ARHGEF10L: variants seen among roughly 807,000 people sequenced by gnomAD.
ARHGEF10L encodes rho guanine nucleotide exchange factor 10-like protein.
ARHGEF10L carries 69 observed loss-of-function variants against 141.2 expected under a neutral mutation model. The ratio of observed to expected loss-of-function variants is 0.49; its 90% CI spans 0.40 to 0.60. The LOEUF is 0.60. Among genes scored for constraint, ARHGEF10L ranks in the 20% least tolerant of loss-of-function variants. ARHGEF10L has a pLI of 0.00. For synonymous variants in ARHGEF10L, 711 were observed against 718.5 expected (o/e 0.99, Z 0.17); for missense variants, 1,482 against 1,734.3 (o/e 0.85, Z 2.58).
rs895115951 is a variant in ARHGEF10L, at chr1:17,607,835, A to G, written c.467A>G (p.His156Arg). Reference sequence around the variant, plus strand: ...AGGAACCTGCTCTACGAGGATGCGCACCGGGCTGGGGCCCCTCGGCAGGCG... The same window carrying G: ...AGGAACCTGCTCTACGAGGATGCGCGCCGGGCTGGGGCCCCTCGGCAGGCG... ...AERNLLYEDA[H>R]RAGAPRQAED... Residue 156 changes from histidine to arginine, a missense_variant, in exon 7 of 29, where the codon CAC (histidine) becomes CGC (arginine). His to Arg is a conservative substitution (Grantham distance 29, BLOSUM62 0). Transcript: ENST00000361221. The surrounding 1 kb of genome is among the most constrained non-coding windows in gnomAD (Gnocchi z 4.5). 3 of 1,593,146 alleles carry G rather than the reference A, an allele frequency of 1.9e-6. No homozygotes were observed. Among genetic ancestry groups the G allele is most frequent in the Admixed American group, 1.7e-5 (1 of 57,666 alleles).
chr1:17,556,271 GC>G (rs72132472), intron 1 of ARHGEF10L, among the ~76,000 whole-genome samples: 11,866 of 72,734 alleles, frequency 0.16, 1,157 homozygotes, highest in Middle Eastern at 0.3. Flanking sequence ...GAGCATGGCG[GC>G]GGGGGGGGGG....
chr1:17,610,609 C>T (rs900443705), intron 7 of ARHGEF10L, among the ~76,000 whole-genome samples: 10 of 152,162 alleles, frequency 6.6e-5, no homozygotes, highest in African/African-American at 1.9e-4. Flanking sequence ...CTGCTTGGGG[C>T]GCACCTGCTC....
chr1:17,571,206 C>T (rs74870212), intron 1 of ARHGEF10L, among the ~76,000 whole-genome samples: 4 of 151,934 alleles, frequency 2.6e-5, no homozygotes, highest in Non-Finnish European at 5.9e-5. Flanking sequence ...GAAGGAGGAG[C>T]GGAGGAAGGG....
At chr1:17,685,299 G>T (rs1390034076) in intron 26 of ARHGEF10L, among the ~76,000 whole-genome samples, 1 of 152,190 alleles carries the variant, frequency 6.6e-6, no homozygotes, top group African/African-American at 2.4e-5. Flanking sequence ...GTTCCCCATG[G>T]ATTCCAAGGT....
At chr1:17,555,669 A>C (rs1482677927) in intron 1 of ARHGEF10L, among the ~76,000 whole-genome samples, 1 of 152,166 alleles carries the variant, frequency 6.6e-6, no homozygotes, top group Admixed American at 6.5e-5. Flanking sequence ...TAAGCTTTTA[A>C]ACTCAGACAC....
At chr1:17,608,418 G>T (rs1051343637) in intron 7 of ARHGEF10L, among the ~76,000 whole-genome samples, 1 of 152,218 alleles carries the variant, frequency 6.6e-6, no homozygotes, top group Non-Finnish European at 1.5e-5. Context: ...CTCAGCCCGC[G>T]CAGTCCTCTC....
chr1:17,570,186 C>T (rs985973343), intron 1 of ARHGEF10L, among the ~76,000 whole-genome samples: 11 of 152,230 alleles, frequency 7.2e-5, no homozygotes, highest in East Asian at 1.9e-4. Flanking sequence ...CAGATAAGAG[C>T]GGTGAACAGT....
chr1:17,526,144 G>C, the ARHGEF10L span, among the ~76,000 whole-genome samples: 3 of 152,212 alleles, frequency 2.0e-5, no homozygotes, highest in South Asian at 6.2e-4. Context: ...CAAATGGATG[G>C]CTCCCCAGTG....
At chr1:17,691,275 G>A in intron 27 of ARHGEF10L, 1 of 353,834 alleles carries the variant, frequency 2.8e-6, no homozygotes, top group Non-Finnish European at 5.4e-6. Flanking sequence ...CGGACTGTTT[G>A]TGAAGTGTCT....
intron 26 of ARHGEF10L, among the ~76,000 whole-genome samples, chr1:17,670,380 G>A (rs144179341): frequency 2.4e-4 from 37 of 152,376 alleles, no homozygotes; most frequent in African/African-American, 7.7e-4. Flanking sequence ...GTCGCTCACC[G>A]GGGCCCGTGT....
chr1:17,612,948 C>T (rs372861204), intron 7 of ARHGEF10L, 110 bp from the exon 8 acceptor site: 166 of 747,060 alleles, frequency 2.2e-4, no homozygotes, highest in Non-Finnish European at 3.4e-4. Context: ...GCTGTCCGTC[C>T]GCACTTTACC....
chr1:17,552,690 C>T (rs1479562214), intron 1 of ARHGEF10L, among the ~76,000 whole-genome samples: 1 of 144,730 alleles, frequency 6.9e-6, no homozygotes, highest in Non-Finnish European at 1.5e-5. Context: ...TCCCAAAGTG[C>T]TGGGGTTACA....
At chr1:17,609,424 C>G (rs566322843) in intron 7 of ARHGEF10L, among the ~76,000 whole-genome samples, 1 of 152,330 alleles carries the variant, frequency 6.6e-6, no homozygotes, top group South Asian at 2.1e-4. Context: ...TTTACAACAC[C>G]TACTGTGTGC....
chr1:17,519,708 G>A, the ARHGEF10L span, among the ~76,000 whole-genome samples: 4 of 151,852 alleles, frequency 2.6e-5, no homozygotes, highest in Admixed American at 1.3e-4. Flanking sequence ...GGTGGTGGGT[G>A]CCTGTAATCC....
chr1:17,541,326 T>C (rs2076720512), intron 1 of ARHGEF10L, among the ~76,000 whole-genome samples: 1 of 152,216 alleles, frequency 6.6e-6, no homozygotes, highest in African/African-American at 2.4e-5. Context: ...GGGGGGCTTT[T>C]TTCAGTCTTC....
At chr1:17,523,522 A>T in the ARHGEF10L span, among the ~76,000 whole-genome samples, 1 of 152,216 alleles carries the variant, frequency 6.6e-6, no homozygotes, top group African/African-American at 2.4e-5. Flanking sequence ...GTCCAGAAAG[A>T]TGAAGTCACT....
chr1:17,601,095 A>G (rs1034215607), intron 4 of ARHGEF10L, among the ~76,000 whole-genome samples: 15 of 152,068 alleles, frequency 9.9e-5, no homozygotes, highest in Non-Finnish European at 1.6e-4. Flanking sequence ...CTAAAAAAAC[A>G]AAAAGAGTCT....
In ARHGEF10L at chr1:17,656,376, C is replaced by T. The variant is rs1223350351; in HGVS notation, c.2706-178C>T. On this transcript the variant is annotated intron_variant, in intron 24 of 28. Coordinates refer to ENST00000361221, the MANE Select transcript of ARHGEF10L (RefSeq NM_018125.4). The surrounding 1 kb of genome is among the most constrained non-coding windows in gnomAD (Gnocchi z 4.9). Reference sequence around the variant, plus strand: ...AGAGGTGTCAGGGAGGGTACCGTCCCAGAAAACCATGGAAAAGTGAGCTCC... The same window carrying T: ...AGAGGTGTCAGGGAGGGTACCGTCCTAGAAAACCATGGAAAAGTGAGCTCC... 1.3e-5 allele frequency among the ~76,000 whole-genome samples: 2 copies of T among 152,186 alleles called. No individual in the cohort carries two copies. The highest frequency in any genetic ancestry group is 4.8e-5 in the African/African-American group (2 of 41,432).
At chr1:17,630,954 T>A (rs2185323) in intron 15 of ARHGEF10L, among the ~76,000 whole-genome samples, 23,559 of 143,190 alleles carry the variant, frequency 0.16, 1,951 homozygotes, top group African/African-American at 0.2. Context: ...GCTCAGGGTG[T>A]TCTGTCCTTT....
Sources: allele counts gnomAD v4.1 joint callset (sites outside exome capture counted in the v4.1 genomes callset), GRCh38; gene constraint gnomAD v4.1.1; non-coding constraint Gnocchi (gnomAD v3.1); transcripts MANE v1.5; gene names NCBI Gene and HGNC (gene_info 2026-07-23, HGNC 2026-07-21).